The following CAMK2D variants were observed in gnomAD, a reference collection of about 807,000 sequenced individuals.
The protein encoded by CAMK2D is calcium/calmodulin-dependent protein kinase type II subunit delta.
A neutral mutation model predicts 84.0 loss-of-function variants in CAMK2D; 37 were observed. The observed-to-expected ratio is 0.44, with a 90% CI of 0.34 to 0.58. The LOEUF is 0.58. Among genes scored for constraint, CAMK2D ranks in the 20% least tolerant of loss-of-function variants. The pLI is 0.02. For synonymous variants in CAMK2D, 202 were observed against 212.5 expected (o/e 0.95, Z 0.43); for missense variants, 448 against 652.5 (o/e 0.69, Z 3.41).
In CAMK2D at chr4:113,465,418, A is replaced by G. The variant is rs2097446264; in HGVS notation, c.1211+111T>C. 4.3e-6 allele frequency: 3 copies of G among 690,550 alleles called. No individual in the cohort carries two copies. In the Admixed American group the frequency reaches 7.4e-5, roughly 17 times the overall value. 42.8% of individuals were successfully genotyped at this position (690,550 alleles called of 1,614,324 possible). ...TTTATGAAATAAAACTATTGTTAAC[A>G]TATCAAACCTTGAATTAAATATATG... is the stretch of plus-strand genomic sequence containing the variant. On this transcript the variant is annotated intron_variant, in intron 17 of 20. Coordinates refer to ENST00000511664, the MANE Select transcript of CAMK2D (RefSeq NM_001321571.2).
intron 16 of CAMK2D, among the ~76,000 whole-genome samples, chr4:113,493,702 T>C (rs2097880789): frequency 6.6e-6 from 1 of 152,186 alleles, no homozygotes; most frequent in Middle Eastern, 3.4e-3. Context: ...CTTGCCAGAT[T>C]GGGGAAGTTC....
intron 8 of CAMK2D, among the ~76,000 whole-genome samples, chr4:113,519,922 C>T (rs1182633445): frequency 6.6e-6 from 1 of 152,026 alleles, no homozygotes; most frequent in East Asian, 1.9e-4. Flanking sequence ...CTAAACATTC[C>T]CTGCAGCCAC....
chr4:113,638,372 T>G (rs2154292277), intron 3 of CAMK2D, among the ~76,000 whole-genome samples: 1 of 151,520 alleles, frequency 6.6e-6, no homozygotes, highest in Admixed American at 6.6e-5. Context: ...GAGATAGAGG[T>G]TTGGAGAATA....
At chr4:113,606,614 CAG>C (rs1591837914) in intron 4 of CAMK2D, among the ~76,000 whole-genome samples, 2 of 151,904 alleles carry the variant, frequency 1.3e-5, no homozygotes, top group East Asian at 1.9e-4. Context: ...CTACAACAAA[CAG>C]AGCCTCAGGG....
intron 8 of CAMK2D, among the ~76,000 whole-genome samples, chr4:113,530,988 G>A (rs113688036): frequency 1.2e-4 from 19 of 152,298 alleles, no homozygotes; most frequent in Admixed American, 3.9e-4. Context: ...GGAGGCTGAG[G>A]CAGGAGAATT....
intron 16 of CAMK2D, among the ~76,000 whole-genome samples, chr4:113,478,258 C>A (rs987624599): frequency 6.6e-6 from 1 of 152,136 alleles, no homozygotes; most frequent in Non-Finnish European, 1.5e-5. Context: ...ATTTAACTAA[C>A]CCAGATGATG....
At chr4:113,470,295 C>T (rs548308953) in intron 16 of CAMK2D, among the ~76,000 whole-genome samples, 2 of 152,148 alleles carry the variant, frequency 1.3e-5, no homozygotes, top group East Asian at 3.8e-4. Context: ...CTGCACCCCC[C>T]CCATTTTGCT....
chr4:113,706,791 T>G (rs1032534462), intron 2 of CAMK2D, among the ~76,000 whole-genome samples: 1 of 152,180 alleles, frequency 6.6e-6, no homozygotes, highest in African/African-American at 2.4e-5. Context: ...ATTAGAAAAC[T>G]CTACGTAATT....
At chr4:113,460,697 T>C (rs2097363045) in intron 17 of CAMK2D, among the ~76,000 whole-genome samples, 1 of 151,784 alleles carries the variant, frequency 6.6e-6, no homozygotes, top group African/African-American at 2.4e-5. Flanking sequence ...TAATTATTAT[T>C]ATTTTTGAGA....
chr4:113,505,409 T>G (rs2098116149), intron 13 of CAMK2D, among the ~76,000 whole-genome samples: 1 of 152,310 alleles, frequency 6.6e-6, no homozygotes, highest in African/African-American at 2.4e-5. Context: ...GTTATAAATA[T>G]ATTTCTTTCT....
intron 2 of CAMK2D, among the ~76,000 whole-genome samples, chr4:113,672,302 C>G (rs2099291377): frequency 6.6e-6 from 1 of 151,954 alleles, no homozygotes; most frequent in Non-Finnish European, 1.5e-5. Flanking sequence ...CAGACTCTGC[C>G]AAGAATGACA....
At chr4:113,701,265 C>T (rs1284156121) in intron 2 of CAMK2D, among the ~76,000 whole-genome samples, 1 of 152,172 alleles carries the variant, frequency 6.6e-6, no homozygotes, top group Non-Finnish European at 1.5e-5. Flanking sequence ...TCTCATTCAC[C>T]TCCAAAAGAA....
intron 4 of CAMK2D, among the ~76,000 whole-genome samples, chr4:113,599,992 G>C (rs960577022): frequency 5.9e-5 from 9 of 152,144 alleles, no homozygotes; most frequent in Non-Finnish European, 1.2e-4. Flanking sequence ...TCAAACCCAT[G>C]TTGTCCCAGG....
Position 113,515,165 on chromosome 4 carries a change from C to G in CAMK2D, c.723G>C (p.Val241=). The part of the protein sequence containing the change: ...YDFPSPEWDT[V]TPEAKDLINK... ...TGATGAGGTCTTTGGCTTCAGGAGT[C>G]ACCGTGTCCCATTCTGGTGATGGAA... The change falls in exon 10 of 21, where the codon GTG becomes GTC. Residue 241 remains valine, a synonymous_variant. Coordinates refer to ENST00000511664, the MANE Select transcript of CAMK2D (RefSeq NM_001321571.2). 2 of 1,604,904 alleles carry G rather than the reference C, an allele frequency of 1.2e-6. No individual in the cohort carries two copies. The highest frequency in any genetic ancestry group is 1.7e-6 in the Non-Finnish European group (2 of 1,175,586).
chr4:113,639,283 A>G (rs2099122646), intron 3 of CAMK2D, among the ~76,000 whole-genome samples: 1 of 152,096 alleles, frequency 6.6e-6, no homozygotes. Context: ...AAAAAAATGC[A>G]TAGTAAATTG....
chr4:113,592,048 C>T (rs563178016), intron 4 of CAMK2D, among the ~76,000 whole-genome samples: 16 of 152,210 alleles, frequency 1.1e-4, no homozygotes, highest in African/African-American at 3.9e-4. Context: ...AATAAGTATT[C>T]ATTGAATGAA....
At chr4:113,598,050 A>G (rs2154257498) in intron 4 of CAMK2D, among the ~76,000 whole-genome samples, 1 of 152,334 alleles carries the variant, frequency 6.6e-6, no homozygotes, top group Non-Finnish European at 1.5e-5. Context: ...GTTCATATGA[A>G]AAGAAAAAAG....
At chr4:113,494,537 C>A (rs564026484) in intron 16 of CAMK2D, among the ~76,000 whole-genome samples, 1 of 152,224 alleles carries the variant, frequency 6.6e-6, no homozygotes. Context: ...CCACTGCTCT[C>A]TTCAAAGCTG....
intron 4 of CAMK2D, among the ~76,000 whole-genome samples, chr4:113,577,790 T>A (rs1049242797): frequency 6.6e-6 from 1 of 152,014 alleles, no homozygotes; most frequent in Non-Finnish European, 1.5e-5. Context: ...GCTTGTATAA[T>A]TATTTGCATA....
Sources: allele counts gnomAD v4.1 joint callset (sites outside exome capture counted in the v4.1 genomes callset), GRCh38; gene constraint gnomAD v4.1.1; transcripts MANE v1.5; gene names NCBI Gene and HGNC (gene_info 2026-07-23, HGNC 2026-07-21).